The following TWIST2 variants were observed in gnomAD, a reference collection of about 807,000 sequenced individuals.
The protein encoded by TWIST2 is twist family bHLH transcription factor 2.
A neutral mutation model predicts 11.6 loss-of-function variants in TWIST2; 1 was observed. That is an observed-to-expected ratio of 0.09 (90% CI 0.03 to 0.41). The LOEUF (loss-of-function observed/expected upper bound fraction) is 0.41. TWIST2 is among the 10% of genes least tolerant of loss of function. The probability of loss-of-function intolerance (pLI) is 0.98; values close to 1 mark genes in which losing one functional copy is unlikely to be tolerated. For missense variants in TWIST2, 168 were observed against 226.4 expected, an observed-to-expected ratio of 0.74 and a Z score of 1.66; for synonymous variants, 87 against 96.6, an observed-to-expected ratio of 0.90 and a Z score of 0.58.
intron 1 of TWIST2, among the ~76,000 whole-genome samples, chr2:238,905,620 C>G (rs1304971273): frequency 6.6e-6 from 1 of 152,150 alleles, no homozygotes; most frequent in Non-Finnish European, 1.5e-5. Flanking sequence ...ATGGGTGATA[C>G]GGTATTTCCC....
At chr2:238,900,983 C>T (rs929687373) in intron 1 of TWIST2, among the ~76,000 whole-genome samples, 10 of 146,550 alleles carry the variant, frequency 6.8e-5, no homozygotes, top group East Asian at 4.0e-4. Context: ...CCTTCCCCCC[C>T]GGCTTTTTTT....
rs940324877 is a variant in TWIST2 at position 238,898,554 on chromosome 2, C to T, written c.*36-11288C>T. Among the ~76,000 whole-genome samples, 238 of 152,312 alleles carry T rather than the reference C, an allele frequency of 1.6e-3. No individual in the cohort carries two copies. In the East Asian group the frequency reaches 0.022, roughly 14 times the overall value. On this transcript the variant is annotated intron_variant, in intron 1 of 1. Coordinates refer to ENST00000612363, the MANE Select transcript of TWIST2 (RefSeq NM_001271893.4). ...GTACAAAAGGGGAGTTCCCGCCAGC[C>T]GCTCCTGAGACACAGCTCAGGGTGG...
chr2:238,883,090 A>G (rs1254091810), intron 1 of TWIST2, among the ~76,000 whole-genome samples: 2 of 152,188 alleles, frequency 1.3e-5, no homozygotes, highest in African/African-American at 4.8e-5. Context: ...GAATTCTTCT[A>G]GAAACCCGAG....
intron 1 of TWIST2, among the ~76,000 whole-genome samples, chr2:238,882,993 C>CT (rs1400402393): frequency 2.0e-5 from 3 of 152,248 alleles, no homozygotes; most frequent in Admixed American, 2.0e-4. Flanking sequence ...GAGGGCAGCT[C>CT]TTGACATCAT....
At chr2:238,868,951 GGGGTCAGTT>G (rs1466018037) in intron 1 of TWIST2, among the ~76,000 whole-genome samples, 2 of 152,244 alleles carry the variant, frequency 1.3e-5, no homozygotes, top group Non-Finnish European at 2.9e-5. Flanking sequence ...TCATCTCAGA[GGGGTCAGTT>G]GGCATCGGTG....
rs1559274771 is a variant in TWIST2 at position 238,871,164 on chromosome 2, CA to C, written c.*35+22432del. Among the ~76,000 whole-genome samples the C allele has an allele frequency of 4.8e-3, 12 of 2,510 alleles. No homozygotes were observed. In the East Asian group the frequency reaches 0.074, roughly 15 times the overall value. 1.6% of individuals were successfully genotyped at this position (2,510 alleles called of 152,430 possible). ...CACACCCCACACACACCACACACCC[CA>C]CACACACACCACACACCCCACACAC... On this transcript the variant is annotated intron_variant, in intron 1 of 1. Transcript: ENST00000612363.
At chr2:238,874,862 G>A (rs148775174) in intron 1 of TWIST2, among the ~76,000 whole-genome samples, 1 of 152,302 alleles carries the variant, frequency 6.6e-6, no homozygotes, top group Non-Finnish European at 1.5e-5. Context: ...TCAGGTGCAA[G>A]TGAGTTCTCG....
intron 1 of TWIST2, among the ~76,000 whole-genome samples, chr2:238,909,504 C>A (rs1265672266): frequency 6.6e-6 from 1 of 152,136 alleles, no homozygotes; most frequent in Non-Finnish European, 1.5e-5. Flanking sequence ...AGGGGCTCAC[C>A]CACAGCCAGA....
chr2:238,881,525 ATTAGTG>A (rs1308811007), intron 1 of TWIST2, among the ~76,000 whole-genome samples: 1 of 151,940 alleles, frequency 6.6e-6, no homozygotes, highest in Non-Finnish European at 1.5e-5. Flanking sequence ...ATTTGTTAGT[ATTAGTG>A]TTGGTGTTAG....
intron 1 of TWIST2, among the ~76,000 whole-genome samples, chr2:238,879,387 T>C (rs1343079559): frequency 6.6e-6 from 1 of 152,182 alleles, no homozygotes; most frequent in Admixed American, 6.5e-5. Flanking sequence ...TTATTAATAG[T>C]GCCCCTTTCA....
rs1323361196 is a variant in TWIST2 at position 238,848,111 on chromosome 2, C to T, written c.-105C>T. Reference sequence around the variant, plus strand: ...CACAAGCCGGCCTTGAAATCAGAGCCTTTCCAGCAACTCCGAGAGCGTGTG... The same window carrying T: ...CACAAGCCGGCCTTGAAATCAGAGCTTTTCCAGCAACTCCGAGAGCGTGTG... On this transcript the variant is annotated 5_prime_UTR_variant, in exon 1 of 2. Coordinates refer to ENST00000612363, the MANE Select transcript of TWIST2 (RefSeq NM_001271893.4). 3 of 963,528 alleles carry T rather than the reference C, an allele frequency of 3.1e-6. No individual in the cohort carries two copies. The highest frequency in any genetic ancestry group is 5.0e-5 in the South Asian group (1 of 20,078). 59.7% of individuals were successfully genotyped at this position (963,528 alleles called of 1,614,324 possible). A position where few individuals can be genotyped will look rare whatever the true frequency, so the allele number is the denominator to read the frequency against.
At chr2:238,906,610 ATTCT>A (rs1360173050) in intron 1 of TWIST2, among the ~76,000 whole-genome samples, 22 of 151,926 alleles carry the variant, frequency 1.4e-4, no homozygotes, top group African/African-American at 3.4e-4. Context: ...CACTCTGGAC[ATTCT>A]TTCATACTCA....
intron 1 of TWIST2, among the ~76,000 whole-genome samples, chr2:238,871,708 A>G (rs1487278563): frequency 7.0e-6 from 1 of 142,978 alleles, no homozygotes; most frequent in African/African-American, 2.6e-5. Context: ...ATGGAATGTC[A>G]TTCTGCCTTT....
At chr2:238,901,986 C>T (rs928697172) in intron 1 of TWIST2, among the ~76,000 whole-genome samples, 3 of 152,032 alleles carry the variant, frequency 2.0e-5, no homozygotes, top group Non-Finnish European at 4.4e-5. Context: ...GGAGGCAAAG[C>T]CTCCTCCGCT....
At chr2:238,861,169 C>G (rs1692427421) in intron 1 of TWIST2, among the ~76,000 whole-genome samples, 1 of 152,198 alleles carries the variant, frequency 6.6e-6, no homozygotes, top group Non-Finnish European at 1.5e-5. Context: ...ATGGGTCACC[C>G]TCAAGCCAGA....
intron 1 of TWIST2, among the ~76,000 whole-genome samples, chr2:238,860,278 T>C (rs1162646951): frequency 6.6e-6 from 1 of 152,216 alleles, no homozygotes; most frequent in Non-Finnish European, 1.5e-5. Flanking sequence ...CACTAACTCG[T>C]TCAGCACCAG....
At chr2:238,870,101 T>C (rs563677133) in intron 1 of TWIST2, among the ~76,000 whole-genome samples, 81 of 94,034 alleles carry the variant, frequency 8.6e-4, no homozygotes, top group Middle Eastern at 0.011. Flanking sequence ...ACGTGGTGTG[T>C]ACACAGACAC....
chr2:238,908,578 A>T (rs1693395556), intron 1 of TWIST2, among the ~76,000 whole-genome samples: 1 of 152,222 alleles, frequency 6.6e-6, no homozygotes, highest in South Asian at 2.1e-4. Flanking sequence ...CCTGGGTGTG[A>T]CGTGACGACA....
At chr2:238,907,632 T>TG (rs1300683820) in intron 1 of TWIST2, among the ~76,000 whole-genome samples, 5 of 151,828 alleles carry the variant, frequency 3.3e-5, no homozygotes, top group Non-Finnish European at 4.4e-5. Flanking sequence ...TTGATCATAG[T>TG]GGGGGGTGCA....
Sources: gnomAD v4.1 joint callset for allele counts (sites outside exome capture counted in the v4.1 genomes callset) on GRCh38, gnomAD v4.1.1 for gene constraint, MANE v1.5 for transcripts, NCBI Gene and HGNC (gene_info 2026-07-23, HGNC 2026-07-21) for gene names.